Variants in DPYD observed in about 807,000 individuals in gnomAD.
DPYD encodes the protein dihydropyrimidine dehydrogenase, also known as dihydropyrimidine dehydrogenase [NADP(+)].
DPYD carries 109 observed loss-of-function variants against 116.2 expected under a neutral mutation model. That is an observed-to-expected ratio of 0.94 (90% CI 0.80 to 1.10). DPYD has a LOEUF of 1.10. Among genes scored for constraint, DPYD ranks in the 50% least tolerant of loss-of-function variants. The pLI, the probability that DPYD is intolerant of heterozygous loss-of-function variation, is 0.00. For synonymous variants in DPYD, 440 were observed against 432.0 expected (o/e 1.02, Z -0.23); for missense variants, 1,302 against 1,254.5 (o/e 1.04, Z -0.57).
chr1:97,326,587 C>A (rs968678224), intron 16 of DPYD, among the ~76,000 whole-genome samples: 2 of 151,718 alleles, frequency 1.3e-5, no homozygotes, highest in African/African-American at 4.8e-5. Context: ...AATGAGAAGA[C>A]CACTTCCCCT....
At chr1:97,866,264 T>C (rs1352177309) in intron 2 of DPYD, among the ~76,000 whole-genome samples, 1 of 151,948 alleles carries the variant, frequency 6.6e-6, no homozygotes, top group Non-Finnish European at 1.5e-5. Flanking sequence ...TGCAGAGCAA[T>C]TACTCATGTG....
At chr1:97,899,236 G>A (rs1673235684) in intron 1 of DPYD, among the ~76,000 whole-genome samples, 1 of 151,734 alleles carries the variant, frequency 6.6e-6, no homozygotes, top group South Asian at 2.1e-4. Flanking sequence ...CAGTCACACA[G>A]CACTATATGT....
At chr1:97,839,354 C>A (rs890970610) in intron 2 of DPYD, among the ~76,000 whole-genome samples, 1 of 152,152 alleles carries the variant, frequency 6.6e-6, no homozygotes, top group African/African-American at 2.4e-5. Context: ...TAATTCTACT[C>A]CAGTGAGCTA....
intron 19 of DPYD, among the ~76,000 whole-genome samples, chr1:97,207,531 T>C (rs1193060860): frequency 6.6e-6 from 1 of 152,150 alleles, no homozygotes; most frequent in South Asian, 2.1e-4. Context: ...CAATTGTCAT[T>C]TGATTATGTT....
rs1042798828 is a variant in DPYD at position 97,780,300 on chromosome 1, C to T, written c.234-39821G>A. Among the ~76,000 whole-genome samples the T allele has an allele frequency of 4.6e-5, 7 of 152,120 alleles. No individual in the cohort carries two copies. The South Asian group carries it at 1.0e-3, about 22-fold the overall frequency. Reference sequence around the variant, plus strand: ...CAAATAAAGGCTATGATTAAGACTTCGACATTGTTGTTTTGAGAAAAAAGT... The same window carrying T: ...CAAATAAAGGCTATGATTAAGACTTTGACATTGTTGTTTTGAGAAAAAAGT... On this transcript the variant is annotated intron_variant, in intron 3 of 22. Transcript: ENST00000370192.
intron 3 of DPYD, among the ~76,000 whole-genome samples, chr1:97,811,500 C>T (rs1307997837): frequency 2.0e-5 from 3 of 152,074 alleles, no homozygotes; most frequent in Non-Finnish European, 2.9e-5. Context: ...GTAGTATTCA[C>T]AAATACAAAC....
At chr1:97,357,176 CT>C (rs1670466007) in intron 16 of DPYD, among the ~76,000 whole-genome samples, 1 of 152,076 alleles carries the variant, frequency 6.6e-6, no homozygotes, top group African/African-American at 2.4e-5. Context: ...GTTTTTGTAT[CT>C]TTTTCAATTG....
At chr1:97,393,600 A>G (rs986525969) in intron 14 of DPYD, among the ~76,000 whole-genome samples, 1 of 152,050 alleles carries the variant, frequency 6.6e-6, no homozygotes, top group African/African-American at 2.4e-5. Flanking sequence ...AGCTTCATCC[A>G]TGTCCCTACA....
intron 20 of DPYD, among the ~76,000 whole-genome samples, chr1:97,185,954 G>A (rs1657966293): frequency 6.6e-6 from 1 of 152,134 alleles, no homozygotes; most frequent in African/African-American, 2.4e-5. Flanking sequence ...TAAGACCTCT[G>A]TATTTTTCCT....
At chr1:97,318,153 T>C (rs1367192262) in intron 16 of DPYD, among the ~76,000 whole-genome samples, 1 of 147,368 alleles carries the variant, frequency 6.8e-6, no homozygotes, top group Admixed American at 6.9e-5. Context: ...CCATTGAGAC[T>C]AGGAAGAAAC....
chr1:97,529,696 CCTTTCTTTTTT>C (rs2102017844), intron 12 of DPYD, among the ~76,000 whole-genome samples: 1 of 149,752 alleles, frequency 6.7e-6, no homozygotes, highest in South Asian at 2.1e-4. Context: ...TTCTTTCTTT[CCTTTCTTTTTT>C]CTTTCTTCCT....
At chr1:97,574,244 T>C (rs748461573) in intron 10 of DPYD, among the ~76,000 whole-genome samples, 2 of 152,120 alleles carry the variant, frequency 1.3e-5, no homozygotes, top group Non-Finnish European at 2.9e-5. Flanking sequence ...CTACATTTGG[T>C]AGTTTGTGAG....
chr1:97,283,725 ATGT>A (rs1450451355), intron 18 of DPYD, among the ~76,000 whole-genome samples: 1 of 152,146 alleles, frequency 6.6e-6, no homozygotes, highest in African/African-American at 2.4e-5. Flanking sequence ...TGAAGTAGTT[ATGT>A]TGTTTCTTTC....
intron 14 of DPYD, among the ~76,000 whole-genome samples, chr1:97,434,128 A>G (rs1184171131): frequency 6.6e-6 from 1 of 152,142 alleles, no homozygotes; most frequent in Non-Finnish European, 1.5e-5. Flanking sequence ...AAAGCAGCAC[A>G]AAGTTAAATT....
At chr1:97,470,523 G>A (rs1296601478) in intron 13 of DPYD, among the ~76,000 whole-genome samples, 1 of 152,148 alleles carries the variant, frequency 6.6e-6, no homozygotes, top group Non-Finnish European at 1.5e-5. Context: ...ATATAATACT[G>A]ATGTATACTT....
chr1:97,295,294 A>G (rs1666454639), intron 18 of DPYD, among the ~76,000 whole-genome samples: 1 of 152,200 alleles, frequency 6.6e-6, no homozygotes, highest in Non-Finnish European at 1.5e-5. Context: ...CACAGCTGCT[A>G]TGCATTGCTT....
At chr1:97,828,408 CATT>C (rs1669355947) in intron 2 of DPYD, among the ~76,000 whole-genome samples, 1 of 152,086 alleles carries the variant, frequency 6.6e-6, no homozygotes, top group African/African-American at 2.4e-5. Flanking sequence ...ACAGAAGTCT[CATT>C]ATCAATTTTT....
chr1:97,146,422 G>A (rs1654639540), intron 20 of DPYD, among the ~76,000 whole-genome samples: 1 of 152,118 alleles, frequency 6.6e-6, no homozygotes, highest in Non-Finnish European at 1.5e-5. Flanking sequence ...CCAACCATAA[G>A]CTCTTGAATT....
chr1:97,790,659 T>C (rs1177082234), intron 3 of DPYD, among the ~76,000 whole-genome samples: 1 of 152,238 alleles, frequency 6.6e-6, no homozygotes, highest in Non-Finnish European at 1.5e-5. Context: ...GTTCTCACCA[T>C]TTGGATATTA....
Sources: gnomAD v4.1 joint callset for allele counts (sites outside exome capture counted in the v4.1 genomes callset) on GRCh38, gnomAD v4.1.1 for gene constraint, MANE v1.5 for transcripts, NCBI Gene and HGNC (gene_info 2026-07-23, HGNC 2026-07-21) for gene names.